The following ELF1 variants were observed in gnomAD, a reference collection of about 807,000 sequenced individuals.
The protein encoded by ELF1 is E74 like ETS transcription factor 1.
ELF1 carries 24 observed loss-of-function variants against 59.9 expected under a neutral mutation model. The observed-to-expected ratio is 0.40, with a 90% CI of 0.29 to 0.56. ELF1 has a LOEUF of 0.56. Among genes scored for constraint, ELF1 ranks in the 20% least tolerant of loss-of-function variants. The pLI is 0.44. For missense variants in ELF1, 627 were observed against 742.2 expected (o/e 0.84, Z 1.80); for synonymous variants, 248 against 266.2 (o/e 0.93, Z 0.67).
upstream of ELF1, among the ~76,000 whole-genome samples, chr13:41,020,246 C>T (rs1875636354): frequency 6.6e-6 from 1 of 152,248 alleles, no homozygotes; most frequent in Middle Eastern, 3.2e-3. Context: ...ACTACACCTA[C>T]TTATTCTGGC....
chr13:40,980,839 A>G (rs942825653), intron 2 of ELF1, among the ~76,000 whole-genome samples: 12 of 152,288 alleles, frequency 7.9e-5, no homozygotes, highest in African/African-American at 2.9e-4. Flanking sequence ...GATTAAATCC[A>G]TATCACTATT....
upstream of ELF1, among the ~76,000 whole-genome samples, chr13:41,021,077 T>G (rs1053723312): frequency 6.6e-6 from 1 of 152,196 alleles, no homozygotes; most frequent in Non-Finnish European, 1.5e-5. Flanking sequence ...TATATTACCA[T>G]ACACTAAGTG....
chr13:41,047,281 CAA>C (rs1328833960), intron 1 of ELF1, among the ~76,000 whole-genome samples: 4 of 152,242 alleles, frequency 2.6e-5, no homozygotes, highest in African/African-American at 4.8e-5. Context: ...CTCAACTCGT[CAA>C]AGTCATTCTC....
At chr13:41,056,223 G>A (rs1455301426) in intron 1 of ELF1, among the ~76,000 whole-genome samples, 1 of 152,064 alleles carries the variant, frequency 6.6e-6, no homozygotes, top group African/African-American at 2.4e-5. Context: ...TTTCTCTATA[G>A]ATTTGCCTAT....
At chr13:41,009,165 T>C (rs145526786) in intron 1 of ELF1, among the ~76,000 whole-genome samples, 1 of 152,124 alleles carries the variant, frequency 6.6e-6, no homozygotes, top group African/African-American at 2.4e-5. Flanking sequence ...TTAATATTTT[T>C]CAAGTTTGTT....
intron 1 of ELF1, among the ~76,000 whole-genome samples, chr13:41,037,580 A>T (rs944107467): frequency 6.6e-6 from 1 of 152,150 alleles, no homozygotes; most frequent in Non-Finnish European, 1.5e-5. Flanking sequence ...ATGGATCATG[A>T]GGTCAGGAGT....
chr13:41,048,728 A>G (rs1326414904), intron 1 of ELF1, among the ~76,000 whole-genome samples: 1 of 151,702 alleles, frequency 6.6e-6, no homozygotes, highest in African/African-American at 2.4e-5. Flanking sequence ...TATTTTTTTA[A>G]TTCAAGTTTT....
chr13:40,968,112 A>C (rs912912574), intron 2 of ELF1, among the ~76,000 whole-genome samples: 1 of 152,244 alleles, frequency 6.6e-6, no homozygotes, highest in Non-Finnish European at 1.5e-5. Flanking sequence ...GAAAATTCAT[A>C]AACTGCATGC....
chr13:40,949,113 G>A (rs1593355119), intron 5 of ELF1, among the ~76,000 whole-genome samples: 1 of 152,058 alleles, frequency 6.6e-6, no homozygotes, highest in African/African-American at 2.4e-5. Flanking sequence ...AGCTTCCCAA[G>A]TAGCTGGGAT....
chr13:41,038,768 G>C (rs1419807183), intron 1 of ELF1, among the ~76,000 whole-genome samples: 1 of 152,052 alleles, frequency 6.6e-6, no homozygotes, highest in Non-Finnish European at 1.5e-5. Context: ...TGTAATCTCA[G>C]CATTTTGGGA....
chr13:40,952,978 C>CTTT (rs35370228), intron 3 of ELF1, among the ~76,000 whole-genome samples: 7 of 142,020 alleles, frequency 4.9e-5, no homozygotes, highest in Non-Finnish European at 7.6e-5. Context: ...AACAATAAAT[C>CTTT]TTTTTTTTTT....
intron 3 of ELF1, among the ~76,000 whole-genome samples, chr13:40,954,686 G>C (rs954985272): frequency 1.3e-5 from 2 of 152,154 alleles, no homozygotes; most frequent in African/African-American, 4.8e-5. Context: ...CTAACCGCGA[G>C]TGATCCGCCA....
intron 1 of ELF1, among the ~76,000 whole-genome samples, chr13:41,050,368 G>A (rs1301129284): frequency 1.3e-5 from 2 of 152,132 alleles, no homozygotes; most frequent in Admixed American, 6.6e-5. Context: ...ACATTTCACT[G>A]TATGTACACA....
intron 1 of ELF1, among the ~76,000 whole-genome samples, chr13:41,032,723 G>A (rs1876213904): frequency 1.3e-5 from 2 of 151,898 alleles, no homozygotes; most frequent in Non-Finnish European, 1.5e-5. Flanking sequence ...GGTGGTGCAA[G>A]CCTGTAGTCC....
chr13:41,027,563 T>C (rs2138401987), intron 1 of ELF1, among the ~76,000 whole-genome samples: 1 of 152,314 alleles, frequency 6.6e-6, no homozygotes, highest in Admixed American at 6.5e-5. Context: ...CCTGGGGTGA[T>C]CCGCCAGCTA....
intron 2 of ELF1, among the ~76,000 whole-genome samples, chr13:40,966,322 T>C (rs1872170047): frequency 6.6e-6 from 1 of 152,246 alleles, no homozygotes; most frequent in South Asian, 2.1e-4. Context: ...TCCAAAGAGA[T>C]TTCCCCTTTC....
At chr13:41,018,987 T>C (rs539572563) in intron 1 of ELF1, among the ~76,000 whole-genome samples, 83 of 152,258 alleles carry the variant, frequency 5.5e-4, no homozygotes, top group African/African-American at 1.9e-3. Context: ...TTAAATTACA[T>C]AGAAAAAAAA....
intron 2 of ELF1, among the ~76,000 whole-genome samples, chr13:40,970,014 T>C (rs1359010828): frequency 2.0e-5 from 3 of 152,232 alleles, no homozygotes; most frequent in Non-Finnish European, 4.4e-5. Context: ...GTTTCTTTCA[T>C]TGTTACTGGC....
At chr13:41,037,530 C>T (rs1566196481) in intron 1 of ELF1, among the ~76,000 whole-genome samples, 1 of 152,186 alleles carries the variant, frequency 6.6e-6, no homozygotes, top group Non-Finnish European at 1.5e-5. Flanking sequence ...GGCACGGTGG[C>T]TCATGCCTGT....
Sources: allele counts gnomAD v4.1 joint callset (sites outside exome capture counted in the v4.1 genomes callset), GRCh38; gene constraint gnomAD v4.1.1; transcripts MANE v1.5; gene names NCBI Gene and HGNC (gene_info 2026-07-23, HGNC 2026-07-21).